CDH13: variants seen among roughly 807,000 people sequenced by gnomAD.
CDH13 encodes the protein cadherin 13.
Under a neutral mutation model 63.8 loss-of-function variants are expected in CDH13, and 24 were observed. The observed-to-expected ratio is 0.38, with a 90% CI of 0.27 to 0.53. The LOEUF (loss-of-function observed/expected upper bound fraction) is 0.53. Among genes scored for constraint, CDH13 ranks in the 20% least tolerant of loss-of-function variants. The pLI is 0.85. For missense variants in CDH13, 1,049 were observed against 903.1 expected, an observed-to-expected ratio of 1.16 and a Z score of -2.07; for synonymous variants, 503 against 355.3, an observed-to-expected ratio of 1.42 and a Z score of -4.67.
intron 3 of CDH13, among the ~76,000 whole-genome samples, chr16:83,079,606 A>T (rs1055191910): frequency 1.3e-5 from 2 of 152,242 alleles, no homozygotes; most frequent in African/African-American, 4.8e-5. Context: ...ATTAGGTGCT[A>T]CTTGGTTCTC....
intron 1 of CDH13, among the ~76,000 whole-genome samples, chr16:82,717,071 T>A (rs1425444834): frequency 2.0e-5 from 3 of 152,202 alleles, no homozygotes; most frequent in Middle Eastern, 3.4e-3. Flanking sequence ...TTAGTCACAC[T>A]TGGCTGCTGG....
At chr16:82,853,136 A>G (rs2039560401) in intron 1 of CDH13, among the ~76,000 whole-genome samples, 1 of 152,158 alleles carries the variant, frequency 6.6e-6, no homozygotes, top group Admixed American at 6.5e-5. Flanking sequence ...CTGAGCTGCT[A>G]CTTTAAAGGA....
chr16:83,175,215 A>G (rs893212090), intron 4 of CDH13, among the ~76,000 whole-genome samples: 2 of 152,138 alleles, frequency 1.3e-5, no homozygotes, highest in Non-Finnish European at 2.9e-5. Context: ...AACACATAAG[A>G]TATTGGCATG....
At chr16:82,803,520 G>A (rs34632556) in intron 1 of CDH13, among the ~76,000 whole-genome samples, 1 of 152,076 alleles carries the variant, frequency 6.6e-6, no homozygotes, top group African/African-American at 2.4e-5. Context: ...TTTTCTGAAT[G>A]GGAAGTTTAG....
chr16:83,539,348 G>A (rs768982536), intron 7 of CDH13, among the ~76,000 whole-genome samples: 3 of 152,110 alleles, frequency 2.0e-5, no homozygotes, highest in African/African-American at 4.8e-5. Flanking sequence ...GACAGGAGGC[G>A]GAGCTCAGGT....
chr16:83,099,983 G>A (rs1372854513), intron 3 of CDH13, among the ~76,000 whole-genome samples: 1 of 152,064 alleles, frequency 6.6e-6, no homozygotes, highest in Non-Finnish European at 1.5e-5. Flanking sequence ...CTACTGCCCT[G>A]ATCATGCAGT....
At chr16:82,780,692 C>T (rs1231736380) in intron 1 of CDH13, among the ~76,000 whole-genome samples, 1 of 152,202 alleles carries the variant, frequency 6.6e-6, no homozygotes, top group Non-Finnish European at 1.5e-5. Context: ...ACTAAAATTA[C>T]AATTGGCATG....
intron 1 of CDH13, among the ~76,000 whole-genome samples, chr16:82,679,649 G>C (rs1914327603): frequency 6.6e-6 from 1 of 152,190 alleles, no homozygotes; most frequent in African/African-American, 2.4e-5. Context: ...AGTGGAACCT[G>C]AGAACATTGT....
chr16:82,951,240 C>T (rs1471118832), intron 2 of CDH13, among the ~76,000 whole-genome samples: 4 of 152,050 alleles, frequency 2.6e-5, no homozygotes, highest in African/African-American at 4.8e-5. Context: ...ATATCTCCTT[C>T]CCCCACATCC....
chr16:83,733,175 G>A lies in CDH13; in HGVS notation c.1539-14933G>A, dbSNP rs150954264. ...ATGAACACTGGAAATCAGTACACAG[G>A]GCTGGGAATGTGTGATTCTGAGCAC... is the stretch of plus-strand genomic sequence containing the variant. On this transcript the variant is annotated intron_variant, in intron 10 of 13. Coordinates refer to ENST00000567109, the MANE Select transcript of CDH13 (RefSeq NM_001257.5). Among the ~76,000 whole-genome samples the A allele has an allele frequency of 2.0e-5, 3 of 152,274 alleles. No individual in the cohort carries two copies. In the East Asian group the frequency reaches 5.8e-4, roughly 29 times the overall value.
chr16:83,793,751 G>T (rs1434499087), intron 13 of CDH13, among the ~76,000 whole-genome samples: 4 of 151,516 alleles, frequency 2.6e-5, no homozygotes, highest in African/African-American at 9.7e-5. Context: ...GGCGGAGGTT[G>T]CAGGGAGCCA....
intron 1 of CDH13, among the ~76,000 whole-genome samples, chr16:82,653,247 A>G (rs1331096852): frequency 6.6e-6 from 1 of 152,174 alleles, no homozygotes; most frequent in Non-Finnish European, 1.5e-5. Context: ...CCTTGATTTT[A>G]GTGCCAGTTA....
At chr16:83,130,209 T>C (rs1458519520) in intron 4 of CDH13, among the ~76,000 whole-genome samples, 1 of 152,216 alleles carries the variant, frequency 6.6e-6, no homozygotes, top group Non-Finnish European at 1.5e-5. Flanking sequence ...TCATCTATTA[T>C]GTTGAATTCT....
At chr16:82,676,435 C>T (rs1029514739) in intron 1 of CDH13, among the ~76,000 whole-genome samples, 1 of 151,638 alleles carries the variant, frequency 6.6e-6, no homozygotes, top group Non-Finnish European at 1.5e-5. Context: ...AGAATCCATC[C>T]AGTTCTCTCC....
intron 10 of CDH13, among the ~76,000 whole-genome samples, chr16:83,682,728 C>T (rs1358965299): frequency 3.3e-5 from 5 of 152,148 alleles, no homozygotes; most frequent in Non-Finnish European, 5.9e-5. Flanking sequence ...CCCACCATCT[C>T]TGTCTTTTCT....
At chr16:83,266,433 T>C (rs890201520) in intron 5 of CDH13, among the ~76,000 whole-genome samples, 3 of 152,220 alleles carry the variant, frequency 2.0e-5, no homozygotes, top group African/African-American at 7.2e-5. Context: ...ATTGTTAACA[T>C]TGAATTTATC....
intron 1 of CDH13, 147 bp downstream of exon 1, chr16:82,627,284 C>G (rs1907400679): frequency 1.4e-6 from 1 of 706,434 alleles, no homozygotes; most frequent in Admixed American, 2.2e-5. Flanking sequence ...GGAGGTCATT[C>G]CGAGCCCAGA....
chr16:83,691,373 T>C (rs150794523), intron 10 of CDH13, among the ~76,000 whole-genome samples: 2 of 152,202 alleles, frequency 1.3e-5, no homozygotes, highest in Non-Finnish European at 2.9e-5. Context: ...AGATGGAATT[T>C]AAATCCTTGA....
chr16:83,790,412 T>G (rs898613442), intron 13 of CDH13, among the ~76,000 whole-genome samples: 1 of 152,166 alleles, frequency 6.6e-6, no homozygotes, highest in African/African-American at 2.4e-5. Flanking sequence ...TGTTTTGTTT[T>G]GTTTTTTCAC....
Sources: gnomAD v4.1 joint callset for allele counts (sites outside exome capture counted in the v4.1 genomes callset) on GRCh38, gnomAD v4.1.1 for gene constraint, MANE v1.5 for transcripts, NCBI Gene and HGNC (gene_info 2026-07-23, HGNC 2026-07-21) for gene names.